The following TASP1 variants were observed in gnomAD, a reference collection of about 807,000 sequenced individuals.
TASP1 encodes taspase 1, also known as threonine aspartase 1.
A neutral mutation model predicts 56.6 loss-of-function variants in TASP1; 16 were observed. The ratio of observed to expected loss-of-function variants is 0.28; its 90% CI spans 0.19 to 0.43. The LOEUF (loss-of-function observed/expected upper bound fraction) is 0.43, where lower values mean the gene tolerates loss of function less well. Among genes scored for constraint, TASP1 ranks in the 20% least tolerant of loss-of-function variants. The probability of loss-of-function intolerance (pLI) is 1.00; values close to 1 mark genes in which losing one functional copy is unlikely to be tolerated. For missense variants in TASP1, 393 were observed against 511.6 expected, an observed-to-expected ratio of 0.77 and a Z score of 2.24; for synonymous variants, 179 against 184.2, an observed-to-expected ratio of 0.97 and a Z score of 0.23.
At chr20:13,233,770 A>G in the TASP1 span, among the ~76,000 whole-genome samples, 1 of 152,140 alleles carries the variant, frequency 6.6e-6, no homozygotes, top group Non-Finnish European at 1.5e-5. Flanking sequence ...CTTACACATA[A>G]GGTAACCCAT....
At chr20:13,293,397 A>G in the TASP1 span, among the ~76,000 whole-genome samples, 2 of 152,232 alleles carry the variant, frequency 1.3e-5, no homozygotes, top group South Asian at 2.1e-4. Context: ...AGGATTGTAG[A>G]AGGGTAAAAT....
At chr20:13,182,518 C>T in the TASP1 span, among the ~76,000 whole-genome samples, 5 of 152,256 alleles carry the variant, frequency 3.3e-5, no homozygotes, top group South Asian at 1.0e-3. Flanking sequence ...ATCCCAATTT[C>T]TATCCTGGAA....
chr20:13,205,194 A>C, the TASP1 span, among the ~76,000 whole-genome samples: 13 of 152,120 alleles, frequency 8.5e-5, no homozygotes, highest in Admixed American at 5.9e-4. Flanking sequence ...CTCTCCAAGC[A>C]CTTCTTCCTC....
chr20:13,558,302 T>C lies in TASP1; in HGVS notation c.675+706A>G, dbSNP rs140978422. Reference sequence around the variant, plus strand: ...CCCTAAGCCACAGGCTGAGCAAGAATGTTGTAGTTTTCAATTTCTTTCTAT... The same window carrying C: ...CCCTAAGCCACAGGCTGAGCAAGAACGTTGTAGTTTTCAATTTCTTTCTAT... On this transcript the variant is annotated intron_variant, in intron 8 of 13. Coordinates refer to ENST00000337743, the MANE Select transcript of TASP1 (RefSeq NM_017714.3). Among the ~76,000 whole-genome samples, 707 of 152,236 alleles carry C rather than the reference T, an allele frequency of 4.6e-3. 4 individuals carry two copies. Among genetic ancestry groups the C allele is most frequent in the African/African-American group, 0.015 (632 of 41,546 alleles).
chr20:13,179,353 A>G, the TASP1 span, among the ~76,000 whole-genome samples: 2 of 152,082 alleles, frequency 1.3e-5, no homozygotes, highest in Admixed American at 1.3e-4. Flanking sequence ...ATGCATAGGA[A>G]AATATCTTTA....
chr20:13,239,537 C>T, the TASP1 span: 21 of 152,222 alleles, frequency 1.4e-4, no homozygotes, highest in Admixed American at 2.6e-4. Context: ...TGACAATCTA[C>T]ATGAAGTACC....
At chr20:13,498,331 T>TTG (rs60099056) in intron 10 of TASP1, among the ~76,000 whole-genome samples, 13,881 of 134,844 alleles carry the variant, frequency 0.1, 696 homozygotes, top group East Asian at 0.17. Context: ...TTCTTTTCTT[T>TTG]TGTGTGTGTG....
the TASP1 span, among the ~76,000 whole-genome samples, chr20:13,339,370 C>A: frequency 6.6e-6 from 1 of 152,190 alleles, no homozygotes; most frequent in African/African-American, 2.4e-5. Context: ...GTGAGGACAA[C>A]GCCAGCTAAT....
chr20:13,439,941 C>T (rs1050132001), intron 11 of TASP1, among the ~76,000 whole-genome samples: 6 of 152,052 alleles, frequency 3.9e-5, no homozygotes, highest in African/African-American at 1.4e-4. Context: ...GGTCCATCAA[C>T]CTCCCCGTAC....
intron 10 of TASP1, among the ~76,000 whole-genome samples, chr20:13,518,892 T>C (rs571864438): frequency 1.3e-5 from 2 of 152,250 alleles, no homozygotes; most frequent in East Asian, 1.9e-4. Context: ...TCCATCATAG[T>C]ATTATTCACT....
At chr20:13,622,407 T>C (rs750857126) in intron 4 of TASP1, among the ~76,000 whole-genome samples, 4 of 152,204 alleles carry the variant, frequency 2.6e-5, no homozygotes, top group African/African-American at 4.8e-5. Context: ...GTGCCCACCA[T>C]ATACTTTCAC....
intron 13 of TASP1, among the ~76,000 whole-genome samples, chr20:13,402,106 T>A (rs1331975299): frequency 6.6e-6 from 1 of 152,182 alleles, no homozygotes; most frequent in African/African-American, 2.4e-5. Flanking sequence ...TACACCATGA[T>A]TAAAATGAGA....
chr20:13,530,408 T>C lies in TASP1; in HGVS notation c.796-1897A>G, dbSNP rs75897272. Reference sequence around the variant, plus strand: ...AACTGAAAGCCCTTCAGAAGTGATTTAGAATATGAATTTATAAATAAACTG... The same window carrying C: ...AACTGAAAGCCCTTCAGAAGTGATTCAGAATATGAATTTATAAATAAACTG... On this transcript the variant is annotated intron_variant, in intron 9 of 13. Transcript: ENST00000337743. 4.6e-3 allele frequency among the ~76,000 whole-genome samples: 708 copies of C among 152,316 alleles called. 4 individuals are homozygous for C. The highest frequency in any genetic ancestry group is 0.015 in the African/African-American group (634 of 41,576).
At chr20:13,391,007 C>A (rs148996230) in intron 13 of TASP1, among the ~76,000 whole-genome samples, 54 of 152,230 alleles carry the variant, frequency 3.5e-4, no homozygotes, top group Admixed American at 1.1e-3. Flanking sequence ...GTGGGGCCAA[C>A]GAAGAAATCT....
the TASP1 span, among the ~76,000 whole-genome samples, chr20:13,200,140 T>C: frequency 6.6e-6 from 1 of 151,988 alleles, no homozygotes; most frequent in Non-Finnish European, 1.5e-5. Context: ...CCACATCTGA[T>C]TCCTTCATCA....
chr20:13,142,555 A>T, the TASP1 span, among the ~76,000 whole-genome samples: 3 of 152,098 alleles, frequency 2.0e-5, no homozygotes, highest in East Asian at 5.8e-4. Context: ...GGCTAGAGAG[A>T]TTGTATTTGC....
chr20:13,288,160 CCTCT>C, the TASP1 span, among the ~76,000 whole-genome samples: 6 of 152,204 alleles, frequency 3.9e-5, no homozygotes, highest in South Asian at 2.1e-4. Flanking sequence ...AATAGATTCT[CCTCT>C]CTCTCTCTTT....
At chr20:13,480,398 C>T (rs1568856931) in intron 11 of TASP1, among the ~76,000 whole-genome samples, 1 of 152,002 alleles carries the variant, frequency 6.6e-6, no homozygotes, top group Non-Finnish European at 1.5e-5. Flanking sequence ...CAACAAACAC[C>T]CACTGGTTAA....
chr20:13,612,395 A>G (rs1460449410), intron 4 of TASP1, among the ~76,000 whole-genome samples: 1 of 152,048 alleles, frequency 6.6e-6, no homozygotes, highest in Non-Finnish European at 1.5e-5. Flanking sequence ...CTCAAATATC[A>G]TTAGTATAGA....
Sources: allele counts gnomAD v4.1 joint callset (sites outside exome capture counted in the v4.1 genomes callset), GRCh38; gene constraint gnomAD v4.1.1; transcripts MANE v1.5; gene names NCBI Gene and HGNC (gene_info 2026-07-23, HGNC 2026-07-21).